DCLK2: variants seen among roughly 807,000 people sequenced by gnomAD.
DCLK2 encodes the protein serine/threonine-protein kinase DCLK2.
Under a neutral mutation model 78.4 loss-of-function variants are expected in DCLK2, and 31 were observed. The ratio of observed to expected loss-of-function variants is 0.40; its 90% CI spans 0.30 to 0.53. DCLK2 has a LOEUF of 0.53. DCLK2 is among the 20% of genes least tolerant of loss of function. The probability of loss-of-function intolerance (pLI) is 0.61; values close to 1 mark genes in which losing one functional copy is unlikely to be tolerated. For missense variants in DCLK2, 872 were observed against 973.7 expected, an observed-to-expected ratio of 0.90 and a Z score of 1.39; for synonymous variants, 407 against 374.9, an observed-to-expected ratio of 1.09 and a Z score of -0.99.
chr4:150,256,402 G>T lies in DCLK2; in HGVS notation c.*155G>T. 1 of 1,056,864 alleles carries T rather than the reference G, an allele frequency of 9.5e-7. No homozygotes were observed. 65.5% of individuals were successfully genotyped at this position (1,056,864 alleles called of 1,614,324 possible). On this transcript the variant is annotated 3_prime_UTR_variant, in exon 16 of 16. Coordinates refer to ENST00000296550, the MANE Select transcript of DCLK2 (RefSeq NM_001040260.4). ...GGCCGCCTGGGAACCGGAGCCTGGC[G>T]TGCCGGAGCCTGGCCTGGTGCTCTG...
At chr4:150,138,990 AT>A (rs1308578604) in intron 2 of DCLK2, among the ~76,000 whole-genome samples, 15 of 129,696 alleles carry the variant, frequency 1.2e-4, no homozygotes, top group East Asian at 8.3e-4. Context: ...GAGTTTTTAA[AT>A]TTAAAAAAAA....
intron 2 of DCLK2, among the ~76,000 whole-genome samples, chr4:150,161,846 T>G (rs1487157253): frequency 6.6e-6 from 1 of 152,236 alleles, no homozygotes; most frequent in Non-Finnish European, 1.5e-5. Flanking sequence ...TTTTGTGTGA[T>G]GTCTGTGTCT....
At chr4:150,106,241 A>G (rs1323531987) in intron 2 of DCLK2, among the ~76,000 whole-genome samples, 1 of 152,188 alleles carries the variant, frequency 6.6e-6, no homozygotes. Flanking sequence ...CTAATCTTCA[A>G]AACTTCAAGT....
At chr4:150,235,396 G>A (rs1402239511) in intron 10 of DCLK2, among the ~76,000 whole-genome samples, 1 of 152,166 alleles carries the variant, frequency 6.6e-6, no homozygotes, top group Non-Finnish European at 1.5e-5. Context: ...ATGTAATGGG[G>A]ATTGATGTCT....
chr4:150,211,774 C>T (rs1320893320), intron 5 of DCLK2, among the ~76,000 whole-genome samples: 1 of 152,152 alleles, frequency 6.6e-6, no homozygotes, highest in Non-Finnish European at 1.5e-5. Flanking sequence ...TCTTTTAATG[C>T]TCGTCTTCCT....
intron 12 of DCLK2, 121 bp from the exon 13 acceptor site, chr4:150,247,482 T>C: frequency 1.5e-6 from 1 of 683,458 alleles, no homozygotes; most frequent in East Asian, 2.7e-5. Context: ...ATAATTGAGA[T>C]ACGGAATGCC....
intron 1 of DCLK2, among the ~76,000 whole-genome samples, chr4:150,099,395 A>G (rs1730704664): frequency 1.3e-5 from 2 of 152,264 alleles, no homozygotes; most frequent in Admixed American, 1.3e-4. Flanking sequence ...CTAACTGCCC[A>G]GGGAACCAAC....
At chr4:150,199,022 G>A (rs1410263212) in intron 4 of DCLK2, 2 of 1,589,098 alleles carry the variant, frequency 1.3e-6, no homozygotes, top group Non-Finnish European at 1.7e-6. Context: ...TACTGCATGT[G>A]TACAGTAAAG....
chr4:150,095,638 G>A (rs1730403883), intron 1 of DCLK2, among the ~76,000 whole-genome samples: 2 of 152,184 alleles, frequency 1.3e-5, no homozygotes, highest in Admixed American at 1.3e-4. Flanking sequence ...TTTTCCTAGA[G>A]TGTATTTCTG....
At position 150,078,756 on chromosome 4, in the gene DCLK2, G is replaced by A. The variant is rs190436258; in HGVS notation, c.-272G>A. Reference sequence around the variant, plus strand: ...GGCCGGGTGGAGGAGGCGCTTGCGGGGGCGTGGGGCTCCCCGGCAGGCGGG... The same window carrying A: ...GGCCGGGTGGAGGAGGCGCTTGCGGAGGCGTGGGGCTCCCCGGCAGGCGGG... On this transcript the variant is annotated 5_prime_UTR_variant, in exon 1 of 16. Coordinates refer to ENST00000296550, the MANE Select transcript of DCLK2 (RefSeq NM_001040260.4). The A allele has an allele frequency of 4.2e-3, 1,310 of 314,150 alleles. 13 individuals are homozygous for A. The highest frequency in any genetic ancestry group is 0.021 in the African/African-American group (974 of 46,706). 19.5% of individuals were successfully genotyped at this position (314,150 alleles called of 1,614,324 possible).
rs1446774909 is a variant in DCLK2 at position 150,079,397 on chromosome 4, T to C, written c.370T>C (p.Tyr124His). Residue 124 changes from tyrosine (Y) to histidine (H), a missense_variant, in exon 1 of 16, where the codon TAC becomes CAC. Tyr to His is a moderately conservative substitution (Grantham distance 83). Transcript: ENST00000296550. ...VNLPQGVRTI[Y>H]TIDGSRKVTS... is the part of the protein sequence containing the mutation. ...CCTGCCCCAGGGTGTCCGCACTATC[T>C]ACACCATCGACGGCAGCCGGAAGGT... The C allele has an allele frequency of 6.4e-7, 1 of 1,570,608 alleles. No homozygotes were observed. The highest frequency in any genetic ancestry group is 1.4e-5 in the African/African-American group (1 of 73,640).
chr4:150,236,079 G>GTTGACA (rs1240392393), intron 10 of DCLK2, among the ~76,000 whole-genome samples: 2 of 152,182 alleles, frequency 1.3e-5, no homozygotes, highest in African/African-American at 4.8e-5. Flanking sequence ...AAATCATTAA[G>GTTGACA]TTGACATTTT....
chr4:150,160,982 C>T (rs1482570515), intron 2 of DCLK2, among the ~76,000 whole-genome samples: 1 of 151,946 alleles, frequency 6.6e-6, no homozygotes, highest in African/African-American at 2.4e-5. Context: ...TAATCTGTCC[C>T]TGTAACTTAA....
intron 2 of DCLK2, among the ~76,000 whole-genome samples, chr4:150,158,670 C>G (rs1229624296): frequency 6.6e-6 from 1 of 152,080 alleles, no homozygotes; most frequent in Non-Finnish European, 1.5e-5. Context: ...ATATAACAGA[C>G]TGAGATGTTC....
At chr4:150,245,648 G>A (rs1471581705) in intron 12 of DCLK2, among the ~76,000 whole-genome samples, 2 of 152,112 alleles carry the variant, frequency 1.3e-5, no homozygotes, top group Non-Finnish European at 2.9e-5. Context: ...ATAGTTTGCT[G>A]AGAATGATGG....
intron 8 of DCLK2, among the ~76,000 whole-genome samples, chr4:150,230,256 C>T (rs561605453): frequency 6.6e-6 from 1 of 152,276 alleles, no homozygotes; most frequent in African/African-American, 2.4e-5. Context: ...TCCCAGAAGA[C>T]CTTCTGTTGT....
intron 10 of DCLK2, among the ~76,000 whole-genome samples, chr4:150,233,581 T>G (rs912204627): frequency 1.3e-5 from 2 of 152,182 alleles, no homozygotes; most frequent in African/African-American, 4.8e-5. Flanking sequence ...GGAAATAGTC[T>G]AGTCCATTCA....
intron 1 of DCLK2, among the ~76,000 whole-genome samples, chr4:150,088,192 T>C (rs895024831): frequency 6.6e-6 from 1 of 152,198 alleles, no homozygotes; most frequent in Non-Finnish European, 1.5e-5. Flanking sequence ...AAAGGCGTTC[T>C]AGAAACTTAT....
chr4:150,186,572 A>G (rs1278080333), intron 2 of DCLK2, among the ~76,000 whole-genome samples: 5 of 152,208 alleles, frequency 3.3e-5, no homozygotes, highest in African/African-American at 9.7e-5. Flanking sequence ...TATGCCTGGC[A>G]TATTATAGTA....
Sources: allele counts gnomAD v4.1 joint callset (sites outside exome capture counted in the v4.1 genomes callset), GRCh38; gene constraint gnomAD v4.1.1; transcripts MANE v1.5; gene names NCBI Gene and HGNC (gene_info 2026-07-23, HGNC 2026-07-21).